The following ERICH3 variants were observed in gnomAD, a reference collection of about 807,000 sequenced individuals.
ERICH3 encodes the protein glutamate rich 3.
ERICH3 carries 126 observed loss-of-function variants against 131.1 expected under a neutral mutation model. That is an observed-to-expected ratio of 0.96 (90% CI 0.83 to 1.11). The LOEUF is 1.11. Among genes scored for constraint, ERICH3 ranks in the 50% most tolerant of loss-of-function variants. ERICH3 has a pLI of 0.00. For synonymous variants in ERICH3, 695 were observed against 644.6 expected, an observed-to-expected ratio of 1.08 and a Z score of -1.18; for missense variants, 2,050 against 1,810.7, an observed-to-expected ratio of 1.13 and a Z score of -2.40.
Position 74,590,002 on chromosome 1 carries a change from TC to T in ERICH3, c.1804del (p.Asp602ThrfsTer22), listed in dbSNP as rs779324406. 5 of 1,613,816 alleles carry T rather than the reference TC, an allele frequency of 3.1e-6. No homozygotes were observed. The highest frequency in any genetic ancestry group is 4.2e-6 in the Non-Finnish European group (5 of 1,179,868). ...GCTGCTGTCAGTGTGGGCTTCCCTG[TC>T]CCCCACTGCAGATTCATCCTCACTG... Reference protein sequence around the residue: ...SDSEDESAVGDREAHTDSSTD... With the variant: ...SDSEDESAVGXREAHTDSSTD... On this transcript the variant is annotated frameshift_variant, in exon 12 of 15. Coordinates refer to ENST00000326665, the MANE Select transcript of ERICH3 (RefSeq NM_001002912.5). LOFTEE classifies it high-confidence loss of function.
chr1:74,637,781 A>G (rs992588271), intron 5 of ERICH3, among the ~76,000 whole-genome samples: 1 of 151,920 alleles, frequency 6.6e-6, no homozygotes, highest in African/African-American at 2.4e-5. Flanking sequence ...TTAGCTGGGT[A>G]TGATGATGTG....
intron 13 of ERICH3, among the ~76,000 whole-genome samples, chr1:74,573,926 T>G (rs576887750): frequency 6.6e-6 from 1 of 151,496 alleles, no homozygotes; most frequent in Non-Finnish European, 1.5e-5. Context: ...GTGGAAAAAA[T>G]TATGCAATAA....
intron 3 of ERICH3, among the ~76,000 whole-genome samples, chr1:74,645,699 A>C (rs566870656): frequency 5.3e-5 from 8 of 152,224 alleles, no homozygotes; most frequent in Admixed American, 2.0e-4. Context: ...TTTATAAGCA[A>C]GAATTTAGGG....
intron 1 of ERICH3, among the ~76,000 whole-genome samples, chr1:74,653,406 AGAGAGAGAGAGAAC>A (rs1646555423): frequency 6.6e-6 from 1 of 150,880 alleles, no homozygotes; most frequent in Admixed American, 6.6e-5. Flanking sequence ...TATGTATGTG[AGAGAGAGAGAGAAC>A]GAGAGAGAGA....
intron 4 of ERICH3, 72 bp downstream of exon 4, chr1:74,642,955 C>A: frequency 1.7e-6 from 2 of 1,166,974 alleles, no homozygotes; most frequent in South Asian, 2.7e-5. Context: ...GAACTGGAAT[C>A]ATAGTTTCAC....
Position 74,590,055 on chromosome 1 carries a change from T to G in ERICH3, c.1752A>C (p.Ser584=), listed in dbSNP as rs1401247589. 3.7e-6 allele frequency: 6 copies of G among 1,606,984 alleles called. No homozygotes were observed. The African/African-American group carries it at 8.0e-5, about 22-fold the overall frequency. ...KQDMKTASST[S]SRSHPYSSDS... is the part of the protein sequence containing the mutation. ...CACTAGAATAAGGGTGACTTCTGGATGAGGTTGATGAAGCAGTTTTCATAT... is the reference window on the plus strand; with the variant it reads ...CACTAGAATAAGGGTGACTTCTGGAGGAGGTTGATGAAGCAGTTTTCATAT... The change falls in exon 12 of 15, where the codon TCA becomes TCC. Residue 584 remains serine, a synonymous_variant. Coordinates refer to ENST00000326665, the MANE Select transcript of ERICH3 (RefSeq NM_001002912.5).
At chr1:74,573,945 G>A (rs939695882) in intron 13 of ERICH3, among the ~76,000 whole-genome samples, 1 of 150,002 alleles carries the variant, frequency 6.7e-6, no homozygotes, top group East Asian at 2.0e-4. Flanking sequence ...AAGAAAAATA[G>A]CATTTAATCT....
intron 8 of ERICH3, among the ~76,000 whole-genome samples, chr1:74,614,261 T>C (rs181590492): frequency 6.6e-6 from 1 of 150,928 alleles, no homozygotes; most frequent in East Asian, 2.0e-4. Context: ...TTTCTCCAAA[T>C]CCCTGGACAA....
chr1:74,667,459 C>T (rs1646702764), intron 1 of ERICH3, among the ~76,000 whole-genome samples: 1 of 152,154 alleles, frequency 6.6e-6, no homozygotes, highest in Non-Finnish European at 1.5e-5. Context: ...CTGCACACCA[C>T]TTCTCTTGGT....
chr1:74,607,008 C>G, intron 9 of ERICH3, 106 bp from the exon 10 acceptor site: 1 of 1,088,710 alleles, frequency 9.2e-7, no homozygotes, highest in Non-Finnish European at 1.3e-6. Flanking sequence ...AAAAAAGACA[C>G]AAAAATGTTT....
intron 12 of ERICH3, among the ~76,000 whole-genome samples, chr1:74,586,133 G>A (rs1284662866): frequency 6.6e-6 from 1 of 151,962 alleles, no homozygotes; most frequent in Non-Finnish European, 1.5e-5. Context: ...TTACACAGAA[G>A]GCAACATATT....
At chr1:74,602,230 A>G (rs573239040) in intron 10 of ERICH3, among the ~76,000 whole-genome samples, 1 of 152,004 alleles carries the variant, frequency 6.6e-6, no homozygotes, top group Non-Finnish European at 1.5e-5. Flanking sequence ...TCAAATATGA[A>G]AGTCAAGGCT....
intron 4 of ERICH3, among the ~76,000 whole-genome samples, chr1:74,642,815 T>C (rs916239085): frequency 6.6e-6 from 1 of 152,128 alleles, no homozygotes; most frequent in African/African-American, 2.4e-5. Flanking sequence ...TTGTGCCTCA[T>C]TAAAATTTAT....
chr1:74,584,721 A>C (rs1302414499), intron 12 of ERICH3, among the ~76,000 whole-genome samples: 1 of 152,182 alleles, frequency 6.6e-6, no homozygotes, highest in Non-Finnish European at 1.5e-5. Flanking sequence ...CTTGGCAGGC[A>C]TATCTCTCTC....
intron 1 of ERICH3, among the ~76,000 whole-genome samples, chr1:74,653,077 C>T (rs946216265): frequency 2.0e-5 from 3 of 152,082 alleles, no homozygotes; most frequent in South Asian, 4.2e-4. Context: ...CAGCACTTAA[C>T]CCTCTAACCC....
At chr1:74,618,079 C>G (rs767459793) in intron 8 of ERICH3, among the ~76,000 whole-genome samples, 5 of 152,084 alleles carry the variant, frequency 3.3e-5, no homozygotes, top group Non-Finnish European at 5.9e-5. Flanking sequence ...AGGAAGATCA[C>G]TTTACCCTAG....
intron 5 of ERICH3, 113 bp from the exon 6 acceptor site, chr1:74,636,551 C>G (rs907594958): frequency 9.8e-7 from 1 of 1,018,642 alleles, no homozygotes; most frequent in Non-Finnish European, 1.4e-6. Context: ...TTTTACTGAA[C>G]AGATTAAACT....
Position 74,585,084 on chromosome 1 carries a change from A to G in ERICH3, c.2176+4547T>C, listed in dbSNP as rs1448510467. The stretch of plus-strand genomic sequence containing the variant: ...ATATGCATTTGACATTATAATTTAC[A>G]TTAAATACACTACTCTTTATTTCAT... On this transcript the variant is annotated intron_variant, in intron 12 of 14. Transcript: ENST00000326665. Among the ~76,000 whole-genome samples the G allele has an allele frequency of 6.6e-5, 10 of 152,220 alleles. No individual in the cohort carries two copies. The East Asian group carries it at 1.7e-3, about 26-fold the overall frequency.
rs1477525191 is a variant in ERICH3 at position 74,571,395 on chromosome 1, G to T, written c.4315C>A (p.Arg1439=). 2 of 1,613,558 alleles carry T rather than the reference G, an allele frequency of 1.2e-6. No homozygotes were observed. The highest frequency in any genetic ancestry group is 2.7e-5 in the African/African-American group (2 of 74,778). Residue 1439 remains arginine (R), a synonymous_variant, in exon 14 of 15, where the codon CGG becomes AGG. Transcript: ENST00000326665. ...TCCTGTCCTAGCCCTGAGGTCTTCC[G>T]CTCCAGGGCTCCTGGAGTGCCCACC... ...AGVGTPGALE[R]KTSGLGQEQE...
Sources: allele counts gnomAD v4.1 joint callset (sites outside exome capture counted in the v4.1 genomes callset), GRCh38; gene constraint gnomAD v4.1.1; transcripts MANE v1.5; gene names NCBI Gene and HGNC (gene_info 2026-07-23, HGNC 2026-07-21).